VAV2: variants seen among roughly 807,000 people sequenced by gnomAD.
VAV2 encodes vav guanine nucleotide exchange factor 2.
In VAV2, 67 loss-of-function variants were observed where a neutral mutation model predicts 132.5. That is an observed-to-expected ratio of 0.51 (90% CI 0.42 to 0.62). The LOEUF is 0.62. VAV2 is among the 20% of genes least tolerant of loss of function. VAV2 has a pLI of 0.00. For missense variants in VAV2, 938 were observed against 1,153.6 expected, an observed-to-expected ratio of 0.81 and a Z score of 2.71; for synonymous variants, 492 against 443.5, an observed-to-expected ratio of 1.11 and a Z score of -1.37.
chr9:133,858,883 C>A lies in VAV2; in HGVS notation c.380+2491G>T, dbSNP rs144016581. The stretch of plus-strand genomic sequence containing the variant: ...CAGGGCTGGGGTCTACAGTCCCAGT[C>A]CAGGGGGCCACTGTGCCCACATGCT... On this transcript the variant is annotated intron_variant, in intron 3 of 29. Transcript: ENST00000371850. Among the ~76,000 whole-genome samples the A allele has an allele frequency of 7.9e-5, 12 of 152,336 alleles. No homozygotes were observed. The East Asian group carries it at 2.3e-3, about 29-fold the overall frequency.
At chr9:133,778,590 G>A (rs1028330054) in intron 22 of VAV2, among the ~76,000 whole-genome samples, 172 bp downstream of exon 22, 2 of 152,222 alleles carry the variant, frequency 1.3e-5, no homozygotes, top group Admixed American at 6.5e-5. Flanking sequence ...GGCGCAGAAC[G>A]GGGCACTGAG....
intron 2 of VAV2, among the ~76,000 whole-genome samples, chr9:133,933,240 A>G (rs2132113530): frequency 6.6e-6 from 1 of 152,382 alleles, no homozygotes; most frequent in South Asian, 2.1e-4. Context: ...CCAAAGCTCC[A>G]GAGTTTTTAC....
chr9:133,856,035 G>T (rs1000430414), intron 3 of VAV2, among the ~76,000 whole-genome samples: 1 of 152,226 alleles, frequency 6.6e-6, no homozygotes, highest in African/African-American at 2.4e-5. Context: ...AAGATGCGGG[G>T]TGGGAGAAGC....
Position 133,834,048 on chromosome 9 carries a change from A to T in VAV2, c.449+224T>A, listed in dbSNP as rs1202076291. ...GGCAGCCTTCTAGAATGTACAAGGGATATGAAGATCTGCTCATGTCTGAGG... is the reference window on the plus strand; with the variant it reads ...GGCAGCCTTCTAGAATGTACAAGGGTTATGAAGATCTGCTCATGTCTGAGG... On this transcript the variant is annotated intron_variant, in intron 4 of 29. Coordinates refer to ENST00000371850, the MANE Select transcript of VAV2 (RefSeq NM_001134398.2). This position sits in a 1 kb window ranked among gnomAD's most constrained non-coding sequence, Gnocchi z 5.9. 6.6e-6 allele frequency among the ~76,000 whole-genome samples: 1 copy of T among 152,178 alleles called. No homozygotes were observed. The highest frequency in any genetic ancestry group is 1.9e-4 in the East Asian group (1 of 5,182).
In VAV2 at chr9:133,788,630, G is replaced by A. The variant is rs1834330969; in HGVS notation, c.1275-144C>T. ...CCCTCACCTGGCTCACCAGGCTAAT[G>A]CTGAGCCTCGGTCAGGTCTCGGCTG... is the stretch of plus-strand genomic sequence containing the variant. On this transcript the variant is annotated intron_variant, in intron 14 of 29. Transcript: ENST00000371850. This position sits in a 1 kb window ranked among gnomAD's most constrained non-coding sequence, Gnocchi z 5.3. The A allele has an allele frequency of 4.1e-6, 5 of 1,206,270 alleles. No homozygotes were observed. The highest frequency in any genetic ancestry group is 5.1e-5 in the East Asian group (2 of 39,232). The allele number at this position is 1,206,270 out of a possible 1,614,324, so 74.7% of individuals were successfully genotyped here. A position where few individuals can be genotyped will look rare whatever the true frequency, so the allele number is the denominator to read the frequency against.
At chr9:133,960,600 G>A (rs553758259) in intron 1 of VAV2, among the ~76,000 whole-genome samples, 43 of 152,346 alleles carry the variant, frequency 2.8e-4, no homozygotes, top group Non-Finnish European at 5.3e-4. Context: ...CGGAGAAAAC[G>A]GGAAGTAAAG....
chr9:133,898,014 A>G (rs550582346), intron 2 of VAV2, among the ~76,000 whole-genome samples: 67 of 152,230 alleles, frequency 4.4e-4, no homozygotes, highest in Non-Finnish European at 6.3e-4. Flanking sequence ...GGGCTTAGGG[A>G]CACTCTGCCC....
chr9:133,854,863 G>A (rs1837326829), intron 3 of VAV2, among the ~76,000 whole-genome samples: 1 of 152,206 alleles, frequency 6.6e-6, no homozygotes, highest in Non-Finnish European at 1.5e-5. Flanking sequence ...TCCCCTCACA[G>A]CAGACCCACT....
intron 2 of VAV2, among the ~76,000 whole-genome samples, chr9:133,874,368 T>C (rs914006910): frequency 6.6e-6 from 1 of 152,056 alleles, no homozygotes; most frequent in Non-Finnish European, 1.5e-5. Flanking sequence ...CAGGCACAGA[T>C]GGCGCCTCCC....
At chr9:133,947,193 G>A (rs894793457) in intron 1 of VAV2, among the ~76,000 whole-genome samples, 4 of 152,148 alleles carry the variant, frequency 2.6e-5, no homozygotes, top group East Asian at 1.9e-4. Flanking sequence ...CATCTCTTCC[G>A]AAAACAAGCA....
chr9:133,893,465 G>A (rs1839063934), intron 2 of VAV2, among the ~76,000 whole-genome samples: 1 of 152,210 alleles, frequency 6.6e-6, no homozygotes, highest in East Asian at 1.9e-4. Context: ...GTCCTCAGGT[G>A]GCAAGGGACC....
chr9:133,873,508 T>G (rs1033433428), intron 2 of VAV2, among the ~76,000 whole-genome samples: 2 of 152,218 alleles, frequency 1.3e-5, no homozygotes, highest in Admixed American at 6.5e-5. Flanking sequence ...AGACGCTGCC[T>G]GTGAAAGCAA....
In VAV2 at chr9:133,769,375, G is replaced by A; in HGVS notation, c.2434+42C>T. Reference sequence around the variant, plus strand: ...CCGTGCTGGGTCTCCCAAGGCAGCTGCCACAGGCCCGGTCCCCCCACGCCC... The same window carrying A: ...CCGTGCTGGGTCTCCCAAGGCAGCTACCACAGGCCCGGTCCCCCCACGCCC... On this transcript the variant is annotated intron_variant, in intron 28 of 29. Coordinates refer to ENST00000371850, the MANE Select transcript of VAV2 (RefSeq NM_001134398.2). The surrounding 1 kb of genome is among the most constrained non-coding windows in gnomAD (Gnocchi z 8.1). 1 of 1,572,814 alleles carries A rather than the reference G, an allele frequency of 6.4e-7. No homozygotes were observed. Among genetic ancestry groups the A allele is most frequent in the South Asian group, 1.2e-5 (1 of 85,926 alleles).
intron 2 of VAV2, among the ~76,000 whole-genome samples, chr9:133,878,098 A>G (rs1246973446): frequency 1.3e-5 from 2 of 152,138 alleles, no homozygotes; most frequent in Non-Finnish European, 2.9e-5. Flanking sequence ...TAGGCTCAGC[A>G]GGCGAAGTCT....
At chr9:133,950,337 G>C (rs7872604) in intron 1 of VAV2, among the ~76,000 whole-genome samples, 1,602 of 152,168 alleles carry the variant, frequency 0.011, 28 homozygotes, top group African/African-American at 0.037. Context: ...CTCTGCACCC[G>C]CCTCCAGTCC....
intron 2 of VAV2, among the ~76,000 whole-genome samples, chr9:133,924,424 T>C (rs1840401178): frequency 6.6e-6 from 1 of 152,356 alleles, no homozygotes; most frequent in African/African-American, 2.4e-5. Context: ...TGGCCTCAAG[T>C]GATCCACTGG....
At chr9:133,859,028 G>A (rs761754164) in intron 3 of VAV2, among the ~76,000 whole-genome samples, 2 of 152,170 alleles carry the variant, frequency 1.3e-5, no homozygotes, top group African/African-American at 2.4e-5. Context: ...TGGGAGGAGC[G>A]GCAGCGTGAA....
At chr9:133,948,102 C>A (rs965555371) in intron 1 of VAV2, among the ~76,000 whole-genome samples, 2 of 152,158 alleles carry the variant, frequency 1.3e-5, no homozygotes, top group African/African-American at 2.4e-5. Context: ...GCACTGAGCC[C>A]TTAAAGAGAG....
Position 133,926,057 on chromosome 9 carries a change from A to G in VAV2, c.321+13046T>C, listed in dbSNP as rs1235070798. ...TGCACCAGTTGCACCAGGACCAGCT[A>G]AGAAAATGCAAGCTCTCAGCCAACG... On this transcript the variant is annotated intron_variant, in intron 2 of 29. Coordinates refer to ENST00000371850, the MANE Select transcript of VAV2 (RefSeq NM_001134398.2). This position sits in a 1 kb window ranked among gnomAD's most constrained non-coding sequence, Gnocchi z 4.3. 6.6e-6 allele frequency: 1 copy of G among 151,904 alleles called. No homozygotes were observed. The highest frequency in any genetic ancestry group is 1.9e-4 in the East Asian group (1 of 5,200). 9.4% of individuals were successfully genotyped at this position (151,904 alleles called of 1,614,324 possible).
Sources: gnomAD v4.1 joint callset for allele counts (sites outside exome capture counted in the v4.1 genomes callset) on GRCh38, gnomAD v4.1.1 for gene constraint, Gnocchi (gnomAD v3.1) non-coding constraint, MANE v1.5 for transcripts, NCBI Gene and HGNC (gene_info 2026-07-23, HGNC 2026-07-21) for gene names.